The following CSMD1 variants were observed in gnomAD, a reference collection of about 807,000 sequenced individuals.
The protein encoded by CSMD1 is CUB and Sushi multiple domains 1.
In CSMD1, 213 loss-of-function variants were observed where a neutral mutation model predicts 417.5. That is an observed-to-expected ratio of 0.51 (90% CI 0.46 to 0.57). The LOEUF (loss-of-function observed/expected upper bound fraction) is 0.57. CSMD1 is among the 20% of genes least tolerant of loss of function. The probability of loss-of-function intolerance (pLI) is 0.00; values close to 1 mark genes in which losing one functional copy is unlikely to be tolerated. For synonymous variants in CSMD1, 2,862 were observed against 1,736.8 expected, an observed-to-expected ratio of 1.65 and a Z score of -16.11; for missense variants, 6,923 against 4,529.7, an observed-to-expected ratio of 1.53 and a Z score of -15.17.
chr8:4,034,509 A>G (rs1261811682), intron 3 of CSMD1, among the ~76,000 whole-genome samples: 3 of 152,196 alleles, frequency 2.0e-5, no homozygotes, highest in Non-Finnish European at 4.4e-5. Context: ...TGTGCTGTTT[A>G]TAGTACATTA....
chr8:4,221,246 G>A (rs1189143619), intron 3 of CSMD1, among the ~76,000 whole-genome samples: 1 of 152,114 alleles, frequency 6.6e-6, no homozygotes, highest in Non-Finnish European at 1.5e-5. Context: ...TGAAATGTAT[G>A]AAATGTATCA....
chr8:4,298,520 C>T (rs979368027), intron 3 of CSMD1, among the ~76,000 whole-genome samples: 3 of 152,066 alleles, frequency 2.0e-5, no homozygotes, highest in African/African-American at 4.8e-5. Context: ...CTGACTTGAC[C>T]TATATACAAT....
chr8:3,493,412 G>A (rs1032380339), intron 11 of CSMD1, among the ~76,000 whole-genome samples: 2 of 151,528 alleles, frequency 1.3e-5, no homozygotes, highest in African/African-American at 4.9e-5. Flanking sequence ...AATAATTGAA[G>A]AAAAACAGTC....
chr8:4,050,183 G>T (rs921140568), intron 3 of CSMD1, among the ~76,000 whole-genome samples: 24 of 152,044 alleles, frequency 1.6e-4, no homozygotes, highest in Non-Finnish European at 1.5e-5. Context: ...CTTCCACTCT[G>T]GATGTTGACT....
At chr8:4,582,429 C>A (rs17070688) in intron 2 of CSMD1, among the ~76,000 whole-genome samples, 1 of 152,070 alleles carries the variant, frequency 6.6e-6, no homozygotes, top group African/African-American at 2.4e-5. Flanking sequence ...GCCAGAATAA[C>A]GGAGAGAAAG....
chr8:4,106,056 G>A (rs555272005), intron 3 of CSMD1, among the ~76,000 whole-genome samples: 2 of 152,340 alleles, frequency 1.3e-5, no homozygotes, highest in Non-Finnish European at 2.9e-5. Flanking sequence ...GATTTTAGGG[G>A]TGCCAGGCAG....
chr8:3,879,422 T>C (rs1189088584), intron 5 of CSMD1, among the ~76,000 whole-genome samples: 1 of 152,124 alleles, frequency 6.6e-6, no homozygotes, highest in East Asian at 1.9e-4. Flanking sequence ...CTGGAGGAAA[T>C]GAATCAGTCC....
intron 2 of CSMD1, among the ~76,000 whole-genome samples, chr8:4,471,851 T>C (rs1585133158): frequency 1.3e-5 from 2 of 152,170 alleles, no homozygotes; most frequent in South Asian, 2.1e-4. Context: ...GAAGGTGTTT[T>C]CAATGATTAG....
intron 1 of CSMD1, among the ~76,000 whole-genome samples, chr8:4,880,384 G>T (rs914562948): frequency 6.6e-6 from 1 of 152,044 alleles, no homozygotes; most frequent in Non-Finnish European, 1.5e-5. Flanking sequence ...CCACTTGTTT[G>T]CCTCCAAAAG....
At chr8:4,333,843 G>A (rs760855935) in intron 3 of CSMD1, among the ~76,000 whole-genome samples, 2 of 151,980 alleles carry the variant, frequency 1.3e-5, no homozygotes, top group African/African-American at 2.4e-5. Context: ...TTAGCTTTAT[G>A]GTGTTTCATC....
chr8:3,427,046 G>A, intron 12 of CSMD1, among the ~76,000 whole-genome samples: 1 of 152,112 alleles, frequency 6.6e-6, no homozygotes, highest in Non-Finnish European at 1.5e-5. Context: ...CACATCTCAT[G>A]AGAACTCACT....
intron 3 of CSMD1, among the ~76,000 whole-genome samples, chr8:4,050,261 C>A (rs1380597731): frequency 6.6e-6 from 1 of 152,112 alleles, no homozygotes; most frequent in Admixed American, 6.6e-5. Flanking sequence ...TACTTCCTTG[C>A]AGCCTATACT....
intron 37 of CSMD1, among the ~76,000 whole-genome samples, chr8:3,177,286 G>GC (rs926011324): frequency 3.3e-5 from 5 of 152,150 alleles, no homozygotes; most frequent in African/African-American, 1.2e-4. Flanking sequence ...CTATCAGGGG[G>GC]CTATAAGAAA....
chr8:3,283,764 T>A (rs1254287939), intron 26 of CSMD1, among the ~76,000 whole-genome samples: 2 of 152,190 alleles, frequency 1.3e-5, no homozygotes, highest in Admixed American at 1.3e-4. Flanking sequence ...GAGACTTAAG[T>A]TCCTCCCCGT....
At chr8:4,609,617 T>C (rs2130786961) in intron 2 of CSMD1, among the ~76,000 whole-genome samples, 1 of 152,300 alleles carries the variant, frequency 6.6e-6, no homozygotes. Context: ...ATTAGCAAAA[T>C]GGCATATTTT....
At chr8:3,954,796 A>G (rs1334411169) in intron 5 of CSMD1, among the ~76,000 whole-genome samples, 1 of 151,610 alleles carries the variant, frequency 6.6e-6, no homozygotes, top group African/African-American at 2.4e-5. Context: ...ATGCACGCAG[A>G]GCCTCCTTGC....
chr8:4,992,978 C>G (rs189630128), intron 1 of CSMD1, among the ~76,000 whole-genome samples: 1 of 152,264 alleles, frequency 6.6e-6, no homozygotes, highest in Admixed American at 6.5e-5. Flanking sequence ...CCCTGGACGC[C>G]CCGTGGAGGC....
chr8:3,919,353 G>T (rs554702472), intron 5 of CSMD1, among the ~76,000 whole-genome samples: 2 of 151,980 alleles, frequency 1.3e-5, no homozygotes, highest in Admixed American at 6.6e-5. Flanking sequence ...TCCTCTGCAC[G>T]ACATACTCAG....
chr8:4,077,900 T>C lies in CSMD1; in HGVS notation c.416-45801A>G, dbSNP rs1799918881. Among the ~76,000 whole-genome samples the C allele has an allele frequency of 2.6e-5, 4 of 152,248 alleles. No individual in the cohort carries two copies. The South Asian group carries it at 6.2e-4, about 24-fold the overall frequency. ...GTAATTGATGCCCAATATAGCAATG[T>C]CCTTCCCGAAGACCTTGCCATCATC... On this transcript the variant is annotated intron_variant, in intron 3 of 69. Coordinates refer to ENST00000635120, the MANE Select transcript of CSMD1 (RefSeq NM_033225.6).
Sources: allele counts gnomAD v4.1 joint callset (sites outside exome capture counted in the v4.1 genomes callset), GRCh38; gene constraint gnomAD v4.1.1; transcripts MANE v1.5; gene names NCBI Gene and HGNC (gene_info 2026-07-23, HGNC 2026-07-21).